IKBKE: variants seen among roughly 807,000 people sequenced by gnomAD.
The protein encoded by IKBKE is inhibitor of nuclear factor kappa B kinase subunit epsilon, also known as inhibitor of nuclear factor kappa-B kinase subunit epsilon.
IKBKE carries 45 observed loss-of-function variants against 92.1 expected under a neutral mutation model. That is an observed-to-expected ratio of 0.49 (90% CI 0.38 to 0.63). IKBKE has a LOEUF of 0.63. Ranked by LOEUF, IKBKE falls within the 20% of genes least tolerant of loss-of-function variation. The pLI is 0.00. For missense variants in IKBKE, 700 were observed against 932.8 expected, an observed-to-expected ratio of 0.75 and a Z score of 3.25; for synonymous variants, 374 against 380.3, an observed-to-expected ratio of 0.98 and a Z score of 0.19.
intron 18 of IKBKE, chr1:206,492,809 A>G (rs757218682): frequency 4.5e-5 from 30 of 670,554 alleles, no homozygotes; most frequent in Middle Eastern, 2.4e-4. Context: ...ACGGCTCTGA[A>G]GGGGGCCTCC....
chr1:206,481,184 C>G (rs782156790), intron 13 of IKBKE, among the ~76,000 whole-genome samples: 2 of 152,194 alleles, frequency 1.3e-5, no homozygotes, highest in Non-Finnish European at 2.9e-5. Context: ...GAAGTAGGCA[C>G]AGCACCCCAA....
At chr1:206,494,626 C>T (rs1174469176) in intron 21 of IKBKE, among the ~76,000 whole-genome samples, 2 of 91,772 alleles carry the variant, frequency 2.2e-5, no homozygotes, top group East Asian at 3.8e-4. Flanking sequence ...TTTTTTGAGA[C>T]GGAGTCTCAC....
Position 206,477,830 on chromosome 1 carries a change from C to T in IKBKE, c.783C>T (p.Tyr261=), listed in dbSNP as rs782016459. The T allele has an allele frequency of 3.2e-6, 5 of 1,556,798 alleles. No homozygotes were observed. Among genetic ancestry groups the T allele is most frequent in the East Asian group, 2.4e-5 (1 of 41,302 alleles). Residue 261 remains tyrosine (Y), a synonymous_variant, in exon 8 of 22, where the codon TAC becomes TAT. Coordinates refer to ENST00000581977, the MANE Select transcript of IKBKE (RefSeq NM_014002.4). ...RRENGPLEWS[Y]TLPITCQLSL... ...AGAACGGGCCCCTGGAGTGGAGCTACACCCTCCCCATCACCTGCCAGCTGT... is the reference window on the plus strand; with the variant it reads ...AGAACGGGCCCCTGGAGTGGAGCTATACCCTCCCCATCACCTGCCAGCTGT...
chr1:206,481,503 A>T (rs1553387021), intron 13 of IKBKE, among the ~76,000 whole-genome samples: 1 of 152,214 alleles, frequency 6.6e-6, no homozygotes, highest in Non-Finnish European at 1.5e-5. Flanking sequence ...TGGAGTCTCC[A>T]TCCAGACTGA....
rs1558475901 is a variant in IKBKE at position 206,478,164 on chromosome 1, C to T, written c.817C>T (p.Leu273=). The change falls in exon 9 of 22, where the codon CTG becomes TTG. Residue 273 remains leucine (L), a synonymous_variant. Coordinates refer to ENST00000581977, the MANE Select transcript of IKBKE (RefSeq NM_014002.4). This position sits in a 1 kb window ranked among gnomAD's most constrained non-coding sequence, Gnocchi z 4.8. The part of the protein sequence containing the change: ...LPITCQLSLG[L]QSQLVPILAN... ...CTCCATGTCCTGGGAGGGCAGGGGG[C>T]TGCAGAGCCAGCTGGTGCCCATCCT... 6.2e-7 allele frequency: 1 copy of T among 1,613,518 alleles called. No homozygotes were observed. Among genetic ancestry groups the T allele is most frequent in the Admixed American group, 1.7e-5 (1 of 60,020 alleles).
chr1:206,492,948 C>T lies in IKBKE; in HGVS notation c.1836-75C>T, dbSNP rs115658420. 2,370 of 1,296,356 alleles carry T rather than the reference C, an allele frequency of 1.8e-3. 27 individuals are homozygous for T. The African/African-American group carries it at 0.029, about 16-fold the overall frequency. The allele number at this position is 1,296,356 out of a possible 1,614,324, so 80.3% of individuals were successfully genotyped here. ...ACCCACCTGTGTCCATGTGTGGATC[C>T]GATGGCAGCTAGGCGAGCCCTGGGG... On this transcript the variant is annotated intron_variant, in intron 18 of 21. Coordinates refer to ENST00000581977, the MANE Select transcript of IKBKE (RefSeq NM_014002.4).
chr1:206,478,348 G>C lies in IKBKE; in HGVS notation c.992+9G>C, dbSNP rs782753337. On this transcript the variant is annotated intron_variant, in intron 9 of 21. Transcript: ENST00000581977. The surrounding 1 kb of genome is among the most constrained non-coding windows in gnomAD (Gnocchi z 4.8). ...ATCCATGCCCACAACACGTAAGTGG[G>C]GGCGAGGGAGGGAAGCGGTGAGAAC... is the stretch of plus-strand genomic sequence containing the variant. The C allele has an allele frequency of 6.2e-7, 1 of 1,610,904 alleles. No individual in the cohort carries two copies. Among genetic ancestry groups the C allele is most frequent in the Non-Finnish European group, 8.5e-7 (1 of 1,179,762 alleles).
At chr1:206,472,371 G>C (rs1177868428) in intron 2 of IKBKE, among the ~76,000 whole-genome samples, 1 of 152,192 alleles carries the variant, frequency 6.6e-6, no homozygotes, top group Non-Finnish European at 1.5e-5. Flanking sequence ...GAGAAATTGA[G>C]TTTAACTTCT....
At chr1:206,492,717 CA>C in intron 18 of IKBKE, 1 of 548,908 alleles carries the variant, frequency 1.8e-6, no homozygotes, top group Non-Finnish European at 3.6e-6. Context: ...TGCCTCTCTG[CA>C]GCCTGACTGG....
Position 206,496,097 on chromosome 1 carries a change from T to C in IKBKE, c.2118-15T>C, listed in dbSNP as rs1389410434. 2 of 1,611,932 alleles carry C rather than the reference T, an allele frequency of 1.2e-6. No individual in the cohort carries two copies. Among genetic ancestry groups the C allele is most frequent in the Admixed American group, 3.3e-5 (2 of 60,020 alleles). On this transcript the variant is annotated splice_polypyrimidine_tract_variant and intron_variant, in intron 21 of 21. Coordinates refer to ENST00000581977, the MANE Select transcript of IKBKE (RefSeq NM_014002.4). ...CCAACAGGTGGGCACTGCTAGCCTG[T>C]ACCTTTTCTTGTAGGCTAAATAGAG...
rs117806886 is a variant in IKBKE, at chr1:206,475,547, G to A, written c.358+553G>A. ...GTTGGGGGTTTGAGACCAGTCTGGC[G>A]AACACGGTGAAACCCTGTCTCTACT... On this transcript the variant is annotated intron_variant, in intron 5 of 21. Transcript: ENST00000581977. 2.1e-3 allele frequency among the ~76,000 whole-genome samples: 318 copies of A among 152,150 alleles called. 1 individual carries two copies. Among genetic ancestry groups the A allele is most frequent in the East Asian group, 0.012 (60 of 5,178 alleles).
chr1:206,487,213 G>A lies in IKBKE; in HGVS notation c.1617-701G>A, dbSNP rs1053452734. Among the ~76,000 whole-genome samples the A allele has an allele frequency of 1.4e-4, 21 of 152,196 alleles. No homozygotes were observed. The highest frequency in any genetic ancestry group is 7.3e-5 in the Non-Finnish European group (5 of 68,042). ...AGTGGAGCTACATAGGCCTGTGGGTGAGGAAGAACTTTTCCCAGACACTCC... is the reference window on the plus strand; with the variant it reads ...AGTGGAGCTACATAGGCCTGTGGGTAAGGAAGAACTTTTCCCAGACACTCC... On this transcript the variant is annotated intron_variant, in intron 15 of 21. Coordinates refer to ENST00000581977, the MANE Select transcript of IKBKE (RefSeq NM_014002.4). The surrounding 1 kb of genome is among the most constrained non-coding windows in gnomAD (Gnocchi z 5.3).
intron 16 of IKBKE, 118 bp downstream of exon 16, chr1:206,488,108 T>A: frequency 4.1e-6 from 3 of 735,022 alleles, no homozygotes; most frequent in Non-Finnish European, 7.1e-6. Context: ...GCCGCTAACC[T>A]CCAGCTGGTG....
chr1:206,479,265 T>C (rs1397595910), intron 10 of IKBKE, 132 bp downstream of exon 10: 1 of 768,540 alleles, frequency 1.3e-6, no homozygotes, highest in African/African-American at 1.8e-5. Context: ...AGGAGGCAGA[T>C]GTGGGTTCTA....
chr1:206,492,525 A>C, intron 18 of IKBKE: 1 of 471,370 alleles, frequency 2.1e-6, no homozygotes, highest in Non-Finnish European at 4.4e-6. Context: ...AGTGTAGTAC[A>C]GCTTCTCCAG....
rs782695064 is a variant in IKBKE at position 206,474,870 on chromosome 1, A to G, written c.234A>G (p.Gly78=). ...CCTCTCTGTCCCACCCATAGGGCGG[A>G]AGCCGGCAGAAGGTACTGGTGATGG... The part of the protein sequence containing the change: ...VKLFAVEETG[G]SRQKVLVMEY... The change falls in exon 5 of 22, where the codon GGA becomes GGG. Residue 78 remains glycine (G), a synonymous_variant. Transcript: ENST00000581977. The G allele has an allele frequency of 6.2e-7, 1 of 1,613,894 alleles. No individual in the cohort carries two copies. Among genetic ancestry groups the G allele is most frequent in the South Asian group, 1.1e-5 (1 of 91,068 alleles).
In IKBKE at chr1:206,490,902, G is replaced by A. The variant is rs782105221; in HGVS notation, c.1733+44G>A. On this transcript the variant is annotated intron_variant, in intron 17 of 21. Coordinates refer to ENST00000581977, the MANE Select transcript of IKBKE (RefSeq NM_014002.4). This position sits in a 1 kb window ranked among gnomAD's most constrained non-coding sequence, Gnocchi z 5.2. Reference sequence around the variant, plus strand: ...GGCAGGTGGGTGGGCAGGAGGGTGGGTGTCCTCAGGGCAGAGCGATTCTCA... The same window carrying A: ...GGCAGGTGGGTGGGCAGGAGGGTGGATGTCCTCAGGGCAGAGCGATTCTCA... 7 of 1,572,480 alleles carry A rather than the reference G, an allele frequency of 4.5e-6. No homozygotes were observed. Among genetic ancestry groups the A allele is most frequent in the Admixed American group, 3.3e-5 (2 of 59,954 alleles).
chr1:206,479,842 G>A, intron 10 of IKBKE, 28 bp from the exon 11 acceptor site: 1 of 1,612,184 alleles, frequency 6.2e-7, no homozygotes. Flanking sequence ...ATACAGGCAG[G>A]CCCCTCAGAC....
chr1:206,482,003 TCTC>T (rs1426323791), intron 13 of IKBKE, among the ~76,000 whole-genome samples: 1 of 151,876 alleles, frequency 6.6e-6, no homozygotes, highest in Admixed American at 6.6e-5. Context: ...ATGGTCTCGA[TCTC>T]CTGACCTCGT....
Sources: gnomAD v4.1 joint callset for allele counts (sites outside exome capture counted in the v4.1 genomes callset) on GRCh38, gnomAD v4.1.1 for gene constraint, Gnocchi (gnomAD v3.1) non-coding constraint, MANE v1.5 for transcripts, NCBI Gene and HGNC (gene_info 2026-07-23, HGNC 2026-07-21) for gene names.